The following SREBF2 variants were observed in gnomAD, a reference collection of about 807,000 sequenced individuals.
The protein encoded by SREBF2 is sterol regulatory element binding transcription factor 2, also known as sterol regulatory element-binding protein 2.
In SREBF2, 55 loss-of-function variants were observed where a neutral mutation model predicts 113.1. That is an observed-to-expected ratio of 0.49 (90% CI 0.39 to 0.61). The LOEUF (loss-of-function observed/expected upper bound fraction) is 0.61, where lower values mean the gene tolerates loss of function less well. SREBF2 is among the 20% of genes least tolerant of loss of function. SREBF2 has a pLI of 0.00. For missense variants in SREBF2, 1,349 were observed against 1,487.4 expected (o/e 0.91, Z 1.53); for synonymous variants, 593 against 605.7 (o/e 0.98, Z 0.31).
intron 14 of SREBF2, among the ~76,000 whole-genome samples, chr22:41,898,305 A>G (rs1377327952): frequency 6.6e-6 from 1 of 152,008 alleles, no homozygotes; most frequent in Non-Finnish European, 1.5e-5. Context: ...TTTAGTAGAG[A>G]GGGGGTTTCA....
chr22:41,849,217 G>A (rs962918054), intron 1 of SREBF2, among the ~76,000 whole-genome samples: 1 of 151,846 alleles, frequency 6.6e-6, no homozygotes, highest in Admixed American at 6.6e-5. Context: ...TTTGGAGATG[G>A]GGTCTCACTG....
chr22:41,868,111 C>T (rs1442650499), intron 2 of SREBF2, among the ~76,000 whole-genome samples: 1 of 152,212 alleles, frequency 6.6e-6, no homozygotes, highest in Non-Finnish European at 1.5e-5. Flanking sequence ...GCCTTTTCAT[C>T]ATATTTCCCT....
At chr22:41,857,929 A>C (rs922593727) in intron 1 of SREBF2, among the ~76,000 whole-genome samples, 14 of 152,194 alleles carry the variant, frequency 9.2e-5, no homozygotes, top group African/African-American at 3.1e-4. Context: ...CCTCTGGGTG[A>C]CTAGAGTGTG....
chr22:41,905,057 C>CCACAT, intron 18 of SREBF2, 83 bp downstream of exon 18: 2 of 1,263,510 alleles, frequency 1.6e-6, no homozygotes, highest in Non-Finnish European at 2.2e-6. Context: ...AGCCCAGCTC[C>CCACAT]CACATCTGGC....
intron 1 of SREBF2, among the ~76,000 whole-genome samples, chr22:41,857,418 A>G (rs1022527624): frequency 3.3e-5 from 5 of 152,232 alleles, no homozygotes; most frequent in Non-Finnish European, 7.3e-5. Context: ...GAGAGAGAGC[A>G]CTAGACAGAG....
At chr22:41,901,427 G>A (rs1204587285) in intron 16 of SREBF2, among the ~76,000 whole-genome samples, 1 of 152,202 alleles carries the variant, frequency 6.6e-6, no homozygotes, top group East Asian at 1.9e-4. Flanking sequence ...TTGGGAAGCT[G>A]AGGTGGGCAG....
intron 7 of SREBF2, among the ~76,000 whole-genome samples, chr22:41,877,003 T>C (rs2077202616): frequency 6.6e-6 from 1 of 152,228 alleles, no homozygotes. Context: ...TCTACCTTTG[T>C]TCTTTGGAAC....
At position 41,903,138 on chromosome 22, in the gene SREBF2, C is replaced by T. The variant is rs750033652; in HGVS notation, c.3076C>T (p.Arg1026Cys). 1.8e-4 allele frequency: 276 copies of T among 1,554,530 alleles called. No individual in the cohort carries two copies. The highest frequency in any genetic ancestry group is 2.2e-4 in the Non-Finnish European group (254 of 1,149,288). Residue 1026 changes from arginine (R) to cysteine (C), a missense_variant, in exon 17 of 19, where the codon CGC (arginine) becomes TGC (cysteine). This residue lies in a region of SREBF2 where 650 missense variants were observed against 644.1 expected (regional missense o/e 1.01). Transcript: ENST00000361204. ...GSLRRLAHSF[R>C]PAYRKVFLHE... ...CCTGCGCAGGCTGGCACACAGCTTC[C>T]GCCCAGCATACCGCAAGGTGAGGCC...
chr22:41,877,904 C>T (rs766715092), intron 8 of SREBF2, 38 bp from the exon 9 acceptor site: 13 of 1,612,458 alleles, frequency 8.1e-6, no homozygotes, highest in Admixed American at 3.3e-5. Flanking sequence ...CTCCGCAAGG[C>T]CTTTCCTAGC....
At chr22:41,850,380 G>C (rs1382146146) in intron 1 of SREBF2, among the ~76,000 whole-genome samples, 1 of 151,968 alleles carries the variant, frequency 6.6e-6, no homozygotes, top group Non-Finnish European at 1.5e-5. Flanking sequence ...GAACCAGGGA[G>C]GCGGAGGCTG....
chr22:41,846,027 C>G (rs535583243), intron 1 of SREBF2, among the ~76,000 whole-genome samples: 5 of 152,124 alleles, frequency 3.3e-5, no homozygotes, highest in African/African-American at 4.8e-5. Context: ...AGTGAACAGC[C>G]ATTTTGAAGG....
Position 41,866,839 on chromosome 22 carries a change from C to T in SREBF2, c.97C>T (p.Gln33Ter). Residue 33 changes from glutamine to a stop codon, truncating the protein, a stop_gained, in exon 2 of 19, where the codon CAA becomes TAA. Coordinates refer to ENST00000361204, the MANE Select transcript of SREBF2 (RefSeq NM_004599.4). LOFTEE classifies it high-confidence loss of function. ...LTLGDIDEML[Q>*]FVSNQVGEFP... ...TTTTCTTTTGTTCACAGAGATGCTG[C>T]AATTTGTCAGTAATCAAGTGGGAGA... 1 of 1,614,222 alleles carries T rather than the reference C, an allele frequency of 6.2e-7. No individual in the cohort carries two copies. The highest frequency in any genetic ancestry group is 8.5e-7 in the Non-Finnish European group (1 of 1,180,038).
At chr22:41,851,747 G>A (rs187024113) in intron 1 of SREBF2, among the ~76,000 whole-genome samples, 2 of 151,680 alleles carry the variant, frequency 1.3e-5, no homozygotes, top group East Asian at 2.0e-4. Context: ...CACCCGCCTC[G>A]GCCTCCCAAA....
intron 1 of SREBF2, among the ~76,000 whole-genome samples, chr22:41,847,131 G>A (rs1367239272): frequency 6.6e-6 from 1 of 152,144 alleles, no homozygotes; most frequent in Non-Finnish European, 1.5e-5. Context: ...ATGGATGGAA[G>A]GGTAAGATGG....
intron 16 of SREBF2, chr22:41,901,027 C>T: frequency 1.9e-6 from 1 of 521,734 alleles, no homozygotes; most frequent in African/African-American, 1.9e-5. Flanking sequence ...CTGCCTGGCC[C>T]TCGAGAGACT....
rs747253464 is a variant in SREBF2, at chr22:41,875,432, G to C, written c.1185G>C (p.Lys395Asn). Residue 395 changes from lysine to asparagine, a missense_variant, in exon 6 of 19, where the codon AAG becomes AAC. Physicochemically the swap from Lys to Asn is moderately conservative, Grantham distance 94 (BLOSUM62 0). Coordinates refer to ENST00000361204, the MANE Select transcript of SREBF2 (RefSeq NM_004599.4). ...TGCGCCAGGAGAACATGGTGCTGAAGCTGGCAAATCAAAAGAACAGTAAGT... is the reference window on the plus strand; with the variant it reads ...TGCGCCAGGAGAACATGGTGCTGAACCTGGCAAATCAAAAGAACAGTAAGT... ...HKLRQENMVLKLANQKNKLLK... is the reference protein window; with the variant it reads ...HKLRQENMVLNLANQKNKLLK... The C allele has an allele frequency of 6.2e-7, 1 of 1,614,248 alleles. No individual in the cohort carries two copies. Among genetic ancestry groups the C allele is most frequent in the South Asian group, 1.1e-5 (1 of 91,088 alleles).
At chr22:41,875,820 T>C in intron 7 of SREBF2, 96 bp downstream of exon 7, 1 of 1,363,528 alleles carries the variant, frequency 7.3e-7, no homozygotes. Context: ...GGCCGCATGT[T>C]AAGAGGGCCT....
chr22:41,894,772 G>T lies in SREBF2; in HGVS notation c.2378-48G>T, dbSNP rs776118998. Reference sequence around the variant, plus strand: ...GTTTCTCTCCGTAAAGACAAAGTGGGCTCATAAATGAGCTCCATTTAACCC... The same window carrying T: ...GTTTCTCTCCGTAAAGACAAAGTGGTCTCATAAATGAGCTCCATTTAACCC... On this transcript the variant is annotated intron_variant, in intron 12 of 18. Coordinates refer to ENST00000361204, the MANE Select transcript of SREBF2 (RefSeq NM_004599.4). 7 of 1,518,276 alleles carry T rather than the reference G, an allele frequency of 4.6e-6. No homozygotes were observed. In the South Asian group the frequency reaches 6.7e-5, roughly 15 times the overall value. 94.1% of individuals were successfully genotyped at this position (1,518,276 alleles called of 1,614,324 possible). A position where few individuals can be genotyped will look rare whatever the true frequency, so the allele number is the denominator to read the frequency against.
intron 1 of SREBF2, among the ~76,000 whole-genome samples, chr22:41,846,080 A>T (rs1209133993): frequency 6.6e-6 from 1 of 152,120 alleles, no homozygotes; most frequent in Non-Finnish European, 1.5e-5. Context: ...TTTTGTGTAG[A>T]CCACACTCTT....
Sources: allele counts gnomAD v4.1 joint callset (sites outside exome capture counted in the v4.1 genomes callset), GRCh38; gene constraint gnomAD v4.1.1; regional missense constraint gnomAD v4.1.1; transcripts MANE v1.5; gene names NCBI Gene and HGNC (gene_info 2026-07-23, HGNC 2026-07-21).